PCDHGB1: variants seen among roughly 807,000 people sequenced by gnomAD.
The protein encoded by PCDHGB1 is protocadherin gamma-B1.
In PCDHGB1, 34 loss-of-function variants were observed where a neutral mutation model predicts 56.6. The ratio of observed to expected loss-of-function variants is 0.60; its 90% CI spans 0.46 to 0.80. The LOEUF is 0.80. Ranked by LOEUF, PCDHGB1 falls within the 30% of genes least tolerant of loss-of-function variation. The pLI is 0.00. For missense variants in PCDHGB1, 1,278 were observed against 1,204.6 expected (o/e 1.06, Z -0.90); for synonymous variants, 561 against 505.9 (o/e 1.11, Z -1.46).
rs561548499 is a variant in PCDHGB1, at chr5:141,414,930, C to T, written c.2409+62261C>T. On this transcript the variant is annotated intron_variant, in intron 1 of 3. Coordinates refer to ENST00000523390, the MANE Select transcript of PCDHGB1 (RefSeq NM_018922.3). ...CAGGCGTGGAGCTGGCGCCCCGCTC[C>T]GCAGAGCCCGGCTACCTGGTGACCA... 1.9e-6 allele frequency: 3 copies of T among 1,614,156 alleles called. No homozygotes were observed. The South Asian group carries it at 3.3e-5, about 18-fold the overall frequency.
intron 1 of PCDHGB1, chr5:141,384,094 G>T: frequency 6.3e-7 from 1 of 1,596,384 alleles, no homozygotes. Flanking sequence ...AAAATCAATA[G>T]ATAATTATTA....
Position 141,366,497 on chromosome 5 carries a change from C to T in PCDHGB1, c.2409+13828C>T, listed in dbSNP as rs776618534. On this transcript the variant is annotated intron_variant, in intron 1 of 3. Transcript: ENST00000523390. ...CAGACTGAGGCGCTGGCACAAGTCA[C>T]GCCTGCTTCAGGCTGAAGGCAGCAG... 5.0e-6 allele frequency: 8 copies of T among 1,614,136 alleles called. No individual in the cohort carries two copies. In the African/African-American group the frequency reaches 8.0e-5, roughly 16 times the overall value.
rs765185360 is a variant in PCDHGB1, at chr5:141,491,451, C to T, written c.2410-3356C>T. 1.2e-6 allele frequency: 2 copies of T among 1,614,112 alleles called. No individual in the cohort carries two copies. The highest frequency in any genetic ancestry group is 1.1e-5 in the South Asian group (1 of 91,082). On this transcript the variant is annotated intron_variant, in intron 1 of 3. Coordinates refer to ENST00000523390, the MANE Select transcript of PCDHGB1 (RefSeq NM_018922.3). This position sits in a 1 kb window ranked among gnomAD's most constrained non-coding sequence, Gnocchi z 6.9. ...AGTGCTGCAGGCGCCAGGACTCACC[C>T]TCCCCGGACTTCTATAAGCAGTCCA...
In PCDHGB1 at chr5:141,374,497, G is replaced by A. The variant is rs778938878; in HGVS notation, c.2409+21828G>A. On this transcript the variant is annotated intron_variant, in intron 1 of 3. Coordinates refer to ENST00000523390, the MANE Select transcript of PCDHGB1 (RefSeq NM_018922.3). ...CACCCCGATTCTTAAAGGAAGAATT[G>A]GAAGTGAAAATTCTCGAAAACGCAG... 7.4e-6 allele frequency: 12 copies of A among 1,611,444 alleles called. No homozygotes were observed. The Admixed American group carries it at 1.2e-4, about 16-fold the overall frequency.
At chr5:141,423,429 A>G (rs1590473158) in intron 1 of PCDHGB1, 2 of 1,613,960 alleles carry the variant, frequency 1.2e-6, no homozygotes, top group African/African-American at 1.3e-5. Flanking sequence ...GCGGGTTGGC[A>G]GGTATGCCCA....
intron 1 of PCDHGB1, among the ~76,000 whole-genome samples, chr5:141,451,138 A>T (rs1348825654): frequency 6.6e-6 from 1 of 152,242 alleles, no homozygotes; most frequent in East Asian, 1.9e-4. Flanking sequence ...TTATGATTGT[A>T]TTTAGACTAG....
chr5:141,410,826 G>T, intron 1 of PCDHGB1: 4 of 379,152 alleles, frequency 1.1e-5, no homozygotes, highest in Non-Finnish European at 9.0e-6. Flanking sequence ...AATGTCACCA[G>T]ACTGAAGATA....
At chr5:141,470,649 C>T (rs1486535307) in intron 1 of PCDHGB1, among the ~76,000 whole-genome samples, 1 of 152,160 alleles carries the variant, frequency 6.6e-6, no homozygotes, top group African/African-American at 2.4e-5. Flanking sequence ...TTGAAGGCCC[C>T]TACCCTTTGG....
At chr5:141,467,495 C>T (rs1161557245) in intron 1 of PCDHGB1, among the ~76,000 whole-genome samples, 1 of 152,140 alleles carries the variant, frequency 6.6e-6, no homozygotes, top group Non-Finnish European at 1.5e-5. Context: ...ATTTAGATCC[C>T]TGATCTAATT....
At chr5:141,388,034 C>T in intron 1 of PCDHGB1, 2 of 1,423,576 alleles carry the variant, frequency 1.4e-6, no homozygotes, top group Non-Finnish European at 1.9e-6. Flanking sequence ...TGGGGAACCT[C>T]GCCACGGACC....
In PCDHGB1 at chr5:141,365,826, C is replaced by A. The variant is rs775602102; in HGVS notation, c.2409+13157C>A. The A allele has an allele frequency of 2.5e-6, 4 of 1,613,906 alleles. No homozygotes were observed. In the East Asian group the frequency reaches 6.7e-5, roughly 27 times the overall value. ...CTGGCTGAAGACACATTTCAGGGGGCGCCCTTGTCCTCCTATGTATCCATT... is the reference window on the plus strand; with the variant it reads ...CTGGCTGAAGACACATTTCAGGGGGAGCCCTTGTCCTCCTATGTATCCATT... On this transcript the variant is annotated intron_variant, in intron 1 of 3. Coordinates refer to ENST00000523390, the MANE Select transcript of PCDHGB1 (RefSeq NM_018922.3).
At chr5:141,400,904 T>C (rs958521699) in intron 1 of PCDHGB1, among the ~76,000 whole-genome samples, 14 of 152,250 alleles carry the variant, frequency 9.2e-5, no homozygotes, top group African/African-American at 3.4e-4. Context: ...TAATTCATCT[T>C]TTAAAGCAAA....
At chr5:141,509,908 G>A (rs376035312) in intron 3 of PCDHGB1, among the ~76,000 whole-genome samples, 1 of 152,164 alleles carries the variant, frequency 6.6e-6, no homozygotes, top group African/African-American at 2.4e-5. Flanking sequence ...TCCAGCATGC[G>A]CTTAGGTACA....
In PCDHGB1 at chr5:141,492,559, C is replaced by A. The variant is rs533830391; in HGVS notation, c.2410-2248C>A. ...GGGCTGGGCCGGGTCGCCTGGGGGG[C>A]GGCCTGAGCGAGGCGCGGGGCCAGG... On this transcript the variant is annotated intron_variant, in intron 1 of 3. Coordinates refer to ENST00000523390, the MANE Select transcript of PCDHGB1 (RefSeq NM_018922.3). 2.6e-5 allele frequency among the ~76,000 whole-genome samples: 4 copies of A among 152,292 alleles called. No individual in the cohort carries two copies. The East Asian group carries it at 7.7e-4, about 29-fold the overall frequency.
At chr5:141,371,221 A>C (rs769598930) in intron 1 of PCDHGB1, 3 of 1,614,064 alleles carry the variant, frequency 1.9e-6, no homozygotes, top group Non-Finnish European at 1.7e-6. Context: ...ATCAATGCCG[A>C]AATCATCTAT....
intron 1 of PCDHGB1, among the ~76,000 whole-genome samples, chr5:141,435,412 T>C (rs2097761991): frequency 6.6e-6 from 1 of 152,222 alleles, no homozygotes; most frequent in Non-Finnish European, 1.5e-5. Flanking sequence ...TGGTAAAGAC[T>C]ATTTTTCACT....
rs776374898 is a variant in PCDHGB1, at chr5:141,414,958, G to A, written c.2409+62289G>A. ...AGAGCCCGGCTACCTGGTGACCAAG[G>A]TGGTGGCGGTGGACAGAGACTCCGG... On this transcript the variant is annotated intron_variant, in intron 1 of 3. Coordinates refer to ENST00000523390, the MANE Select transcript of PCDHGB1 (RefSeq NM_018922.3). The A allele has an allele frequency of 3.7e-6, 6 of 1,614,024 alleles. No homozygotes were observed. The South Asian group carries it at 4.4e-5, about 12-fold the overall frequency.
At chr5:141,420,747 A>T (rs2096522944) in intron 1 of PCDHGB1, among the ~76,000 whole-genome samples, 1 of 152,220 alleles carries the variant, frequency 6.6e-6, no homozygotes, top group South Asian at 2.1e-4. Flanking sequence ...ATTGGAACCA[A>T]CTACAACCTA....
intron 1 of PCDHGB1, chr5:141,402,800 C>T: frequency 1.9e-6 from 2 of 1,072,726 alleles, no homozygotes; most frequent in African/African-American, 1.6e-5. Flanking sequence ...ACACAAAACC[C>T]GGCAGATACC....
Sources: gnomAD v4.1 joint callset for allele counts (sites outside exome capture counted in the v4.1 genomes callset) on GRCh38, gnomAD v4.1.1 for gene constraint, Gnocchi (gnomAD v3.1) non-coding constraint, MANE v1.5 for transcripts, NCBI Gene and HGNC (gene_info 2026-07-23, HGNC 2026-07-21) for gene names.